EIF5B: variants seen among roughly 807,000 people sequenced by gnomAD.
The protein encoded by EIF5B is eIF-5B.
In EIF5B, 47 loss-of-function variants were observed where a neutral mutation model predicts 147.5. The observed-to-expected ratio is 0.32, with a 90% CI of 0.25 to 0.41. The LOEUF (loss-of-function observed/expected upper bound fraction) is 0.41. Ranked by LOEUF, EIF5B falls within the 10% of genes least tolerant of loss-of-function variation. The pLI, the probability that EIF5B is intolerant of heterozygous loss-of-function variation, is 1.00. For missense variants in EIF5B, 1,064 were observed against 1,413.2 expected (o/e 0.75, Z 3.96); for synonymous variants, 455 against 456.2 (o/e 1.00, Z 0.03).
At chr2:99,340,972 C>T (rs2094258245) in intron 1 of EIF5B, among the ~76,000 whole-genome samples, 1 of 152,154 alleles carries the variant, frequency 6.6e-6, no homozygotes, top group Non-Finnish European at 1.5e-5. Context: ...ACCATGTTGG[C>T]TGCCTGGTTT....
At chr2:99,363,519 A>G (rs1376907080) in intron 4 of EIF5B, 126 bp from the exon 5 acceptor site, 2 of 932,662 alleles carry the variant, frequency 2.1e-6, no homozygotes, top group Admixed American at 2.4e-5. Flanking sequence ...TGCCTGTAGA[A>G]CTTAGCCTGC....
At chr2:99,382,341 C>A in intron 13 of EIF5B, 115 bp downstream of exon 13, 2 of 774,296 alleles carry the variant, frequency 2.6e-6, no homozygotes, top group Non-Finnish European at 4.2e-6. Flanking sequence ...AACTACCACT[C>A]CACCTTTGTA....
intron 8 of EIF5B, among the ~76,000 whole-genome samples, chr2:99,370,946 CA>C (rs1429683151): frequency 2.0e-5 from 3 of 151,896 alleles, no homozygotes; most frequent in African/African-American, 7.3e-5. Context: ...AGGTTAAAAG[CA>C]AAATAATAAA....
rs780916237 is a variant in EIF5B, at chr2:99,399,330, A to G, written c.3579A>G (p.Ala1193=). The change falls in exon 24 of 24, where the codon GCA becomes GCG. Residue 1193 remains alanine, a synonymous_variant. Coordinates refer to ENST00000289371, the MANE Select transcript of EIF5B (RefSeq NM_015904.4). ...VSKISRQSID[A]LKDWFRDEMQ... The stretch of plus-strand genomic sequence containing the variant: ...AGATCAGCCGGCAGTCCATTGATGC[A>G]CTCAAAGACTGGTTCAGAGATGAAA... The G allele has an allele frequency of 2.2e-5, 36 of 1,613,998 alleles. No homozygotes were observed. The highest frequency in any genetic ancestry group is 1.6e-4 in the Middle Eastern group (1 of 6,084).
rs142004481 is a variant in EIF5B at position 99,337,727 on chromosome 2, C to T, written c.35+138C>T. The T allele has an allele frequency of 6.5e-4, 744 of 1,151,168 alleles. 4 individuals carry two copies. The African/African-American group carries it at 0.011, about 18-fold the overall frequency. 71.3% of individuals were successfully genotyped at this position (1,151,168 alleles called of 1,614,324 possible). On this transcript the variant is annotated intron_variant, in intron 1 of 23. Coordinates refer to ENST00000289371, the MANE Select transcript of EIF5B (RefSeq NM_015904.4). The stretch of plus-strand genomic sequence containing the variant: ...GTACCAGGCCTGGGCCCAGAGTGTG[C>T]GGAGCGGGCCCAAGCCCCCGGGCCG...
intron 23 of EIF5B, 74 bp downstream of exon 23, chr2:99,398,983 C>T: frequency 6.7e-7 from 1 of 1,496,344 alleles, no homozygotes; most frequent in Middle Eastern, 1.8e-4. Flanking sequence ...GTACCTGTAG[C>T]TCCTTGGGCT....
intron 8 of EIF5B, 32 bp downstream of exon 8, chr2:99,369,513 G>C: frequency 6.6e-7 from 1 of 1,523,630 alleles, no homozygotes; most frequent in Non-Finnish European, 9.0e-7. Context: ...TTTAATTAGT[G>C]AATTCTTATT....
At chr2:99,399,031 C>T (rs552667485) in intron 23 of EIF5B, 122 bp downstream of exon 23, 5 of 1,199,712 alleles carry the variant, frequency 4.2e-6, no homozygotes, top group East Asian at 2.5e-5. Context: ...CTGGATCCCC[C>T]ATTAGGGCTT....
chr2:99,342,009 A>T (rs2094260675), intron 1 of EIF5B, among the ~76,000 whole-genome samples: 3 of 152,162 alleles, frequency 2.0e-5, no homozygotes, highest in African/African-American at 7.2e-5. Flanking sequence ...ACCCCCTAAA[A>T]TAGTTTAGAT....
At chr2:99,371,479 A>G (rs1674449953) in intron 8 of EIF5B, among the ~76,000 whole-genome samples, 177 bp from the exon 9 acceptor site, 1 of 135,316 alleles carries the variant, frequency 7.4e-6, no homozygotes, top group South Asian at 2.3e-4. Flanking sequence ...CAGAGCAAAG[A>G]CTCCGTCTCA....
intron 14 of EIF5B, 85 bp from the exon 15 acceptor site, chr2:99,389,633 C>T: frequency 3.8e-6 from 5 of 1,312,822 alleles, no homozygotes; most frequent in Non-Finnish European, 5.2e-6. Flanking sequence ...ATGAGACACA[C>T]ATGAGGAATT....
At chr2:99,397,503 G>A (rs1238206488) in intron 22 of EIF5B, 4 of 152,150 alleles carry the variant, frequency 2.6e-5, no homozygotes, top group Admixed American at 6.5e-5. Context: ...TTTTTGAAGT[G>A]TCCCTGTTGT....
At chr2:99,362,017 C>G (rs796182945) in intron 4 of EIF5B, among the ~76,000 whole-genome samples, 197 bp downstream of exon 4, 2 of 152,184 alleles carry the variant, frequency 1.3e-5, no homozygotes, top group African/African-American at 4.8e-5. Context: ...GTATAAATAT[C>G]TTTCAGATTA....
Position 99,361,401 on chromosome 2 carries a change from A to T in EIF5B, c.500A>T (p.Asp167Val), listed in dbSNP as rs751396071. ...SNKKWDGSEE[D>V]EDNSKKIKER... Reference sequence around the variant, plus strand: ...AAGAAGTGGGATGGGTCAGAGGAGGATGAGGATAACAGTAAAAAAATTAAA... The same window carrying T: ...AAGAAGTGGGATGGGTCAGAGGAGGTTGAGGATAACAGTAAAAAAATTAAA... Residue 167 changes from aspartate (D) to valine (V), a missense_variant, in exon 4 of 24, where the codon GAT becomes GTT. This residue lies in a region of EIF5B where 458 missense variants were observed against 451.3 expected (regional missense o/e 1.01). Coordinates refer to ENST00000289371, the MANE Select transcript of EIF5B (RefSeq NM_015904.4). 6.2e-7 allele frequency: 1 copy of T among 1,613,918 alleles called. No homozygotes were observed. Among genetic ancestry groups the T allele is most frequent in the Non-Finnish European group, 8.5e-7 (1 of 1,180,000 alleles).
At chr2:99,338,200 T>C in intron 1 of EIF5B, 1 of 698,872 alleles carries the variant, frequency 1.4e-6, no homozygotes, top group South Asian at 1.5e-5. Flanking sequence ...CTTTGCTCTC[T>C]AGCCTTCCCC....
At chr2:99,365,848 C>G (rs551534477) in intron 6 of EIF5B, among the ~76,000 whole-genome samples, 3 of 152,148 alleles carry the variant, frequency 2.0e-5, no homozygotes, top group Non-Finnish European at 4.4e-5. Flanking sequence ...GGTTCCCCCC[C>G]ACCCACAGCC....
At chr2:99,369,303 T>C (rs1574929733) in intron 7 of EIF5B, 89 bp from the exon 8 acceptor site, 1 of 979,724 alleles carries the variant, frequency 1.0e-6, no homozygotes, top group Admixed American at 2.6e-5. Flanking sequence ...AGGTTTACAC[T>C]ACTGTTTTTT....
At chr2:99,379,960 C>T (rs1674655218) in intron 12 of EIF5B, among the ~76,000 whole-genome samples, 1 of 152,128 alleles carries the variant, frequency 6.6e-6, no homozygotes, top group African/African-American at 2.4e-5. Context: ...CCAGGTGTAG[C>T]TTTCCAATCA....
chr2:99,360,688 A>T, intron 3 of EIF5B, 139 bp downstream of exon 3: 1 of 724,954 alleles, frequency 1.4e-6, no homozygotes. Flanking sequence ...ATCTGATGTC[A>T]AAGGGAAAAA....
Sources: allele counts gnomAD v4.1 joint callset (sites outside exome capture counted in the v4.1 genomes callset), GRCh38; gene constraint gnomAD v4.1.1; regional missense constraint gnomAD v4.1.1; transcripts MANE v1.5; gene names NCBI Gene and HGNC (gene_info 2026-07-23, HGNC 2026-07-21).